TMX2: variants seen among roughly 807,000 people sequenced by gnomAD.
The protein encoded by TMX2 is thioredoxin related transmembrane protein 2.
In TMX2, 20 loss-of-function variants were observed where a neutral mutation model predicts 33.4. That is an observed-to-expected ratio of 0.60 (90% confidence interval 0.42 to 0.87). The LOEUF (loss-of-function observed/expected upper bound fraction) is 0.87, where lower values mean the gene tolerates loss of function less well. Among genes scored for constraint, TMX2 ranks in the 40% least tolerant of loss-of-function variants. The probability of loss-of-function intolerance (pLI) is 0.00; values close to 1 mark genes in which losing one functional copy is unlikely to be tolerated. For synonymous variants in TMX2, 166 were observed against 140.7 expected, an observed-to-expected ratio of 1.18 and a Z score of -1.27; for missense variants, 340 against 370.7, an observed-to-expected ratio of 0.92 and a Z score of 0.68.
intron 1 of TMX2, among the ~76,000 whole-genome samples, chr11:57,717,437 C>G (rs1416653887): frequency 6.6e-6 from 1 of 151,320 alleles, no homozygotes; most frequent in Non-Finnish European, 1.5e-5. Flanking sequence ...GAACCAGACT[C>G]CGTCTGCAAT....
chr11:57,716,325 C>G (rs1336777129), intron 1 of TMX2, among the ~76,000 whole-genome samples: 8 of 133,346 alleles, frequency 6.0e-5, no homozygotes, highest in Non-Finnish European at 1.2e-4. Context: ...CCGGACGGGG[C>G]GGCTGGCCGG....
At chr11:57,735,264 A>G (rs917123551) in intron 1 of TMX2, among the ~76,000 whole-genome samples, 2 of 150,008 alleles carry the variant, frequency 1.3e-5, no homozygotes, top group Non-Finnish European at 3.0e-5. Flanking sequence ...GCTGGAGTGC[A>G]GTGGCACGAT....
At chr11:57,731,433 C>CT (rs140987390) in intron 1 of TMX2, among the ~76,000 whole-genome samples, 15,365 of 66,726 alleles carry the variant, frequency 0.23, 1,715 homozygotes, top group East Asian at 0.66. Context: ...CGCACCCAGC[C>CT]TTTTTTTTTT....
At chr11:57,717,296 A>G (rs1204806386) in intron 1 of TMX2, among the ~76,000 whole-genome samples, 7 of 151,096 alleles carry the variant, frequency 4.6e-5, no homozygotes, top group African/African-American at 1.5e-4. Context: ...CTTCCCAGAC[A>G]GGGTGGCGGC....
In TMX2 at chr11:57,737,610, A is replaced by G; in HGVS notation, c.192A>G (p.Arg64=). ...ATAATACTTCGATTCTGTTCCAGAG[A>G]GAAGTGGAGATCCTGATGTTTCTCA... ...EDGNPCDFDW[R]EVEILMFLSA... is the part of the protein sequence containing the mutation. The change falls in exon 2 of 8, where the codon AGA becomes AGG. Residue 64 remains arginine, a splice_region_variant and synonymous_variant. Transcript: ENST00000278422. 1 of 1,613,822 alleles carries G rather than the reference A, an allele frequency of 6.2e-7. No homozygotes were observed. Among genetic ancestry groups the G allele is most frequent in the South Asian group, 1.1e-5 (1 of 91,084 alleles).
rs1284296591 is a variant in TMX2, at chr11:57,740,223, G to A, written c.869G>A (p.Gly290Glu). ...VASTPTTVSD[G>E]ENKKDK ...TCAACCCCCACCACAGTGTCAGATG[G>A]GGAAAACAAGAAGGATAAATAAGAT... is the stretch of plus-strand genomic sequence containing the variant. The change falls in exon 8 of 8, where the codon GGG (glycine) becomes GAG (glutamate). Residue 290 changes from glycine to glutamate, a missense_variant. By Grantham distance (98) the Gly-to-Glu change is moderately conservative. Around this residue, in one of 3 missense-constraint regions of TMX2, gnomAD observed 209 missense variants for 241.6 expected, o/e 0.87. Coordinates refer to ENST00000278422, the MANE Select transcript of TMX2 (RefSeq NM_015959.4). 6.2e-7 allele frequency: 1 copy of A among 1,606,552 alleles called. No homozygotes were observed. The highest frequency in any genetic ancestry group is 8.5e-7 in the Non-Finnish European group (1 of 1,177,514).
At position 57,729,937 on chromosome 11, in the gene TMX2, G is replaced by A. The variant is rs151274697; in HGVS notation, c.190-7671G>A. Among the ~76,000 whole-genome samples the A allele has an allele frequency of 9.1e-3, 1,290 of 141,436 alleles. 25 individuals are homozygous for A. Among genetic ancestry groups the A allele is most frequent in the African/African-American group, 0.031 (1,192 of 38,084 alleles). The allele number at this position is 141,436 out of a possible 152,430, so 92.8% of individuals were successfully genotyped here. On this transcript the variant is annotated intron_variant, in intron 1 of 7. Coordinates refer to ENST00000278422, the MANE Select transcript of TMX2 (RefSeq NM_015959.4). Reference sequence around the variant, plus strand: ...AGCCTGGCCAACATGGTGAAACCCCGTCTCTACTAAAAATACAAAAATTAG... The same window carrying A: ...AGCCTGGCCAACATGGTGAAACCCCATCTCTACTAAAAATACAAAAATTAG...
At chr11:57,720,840 A>G (rs1476010156) in intron 1 of TMX2, among the ~76,000 whole-genome samples, 3 of 152,226 alleles carry the variant, frequency 2.0e-5, no homozygotes, top group African/African-American at 7.2e-5. Flanking sequence ...CACAGATCAT[A>G]GTGCCTTTTT....
At chr11:57,738,134 A>C in intron 3 of TMX2, 108 bp downstream of exon 3, 3 of 894,052 alleles carry the variant, frequency 3.4e-6, no homozygotes, top group Non-Finnish European at 5.2e-6. Context: ...ATGTTTCTCC[A>C]TACCCTTCTT....
intron 1 of TMX2, chr11:57,717,930 G>C (rs571564661): frequency 1.2e-5 from 8 of 667,958 alleles, no homozygotes; most frequent in Non-Finnish European, 2.1e-5. Flanking sequence ...ACTGCAGTGA[G>C]AGCACAAAGA....
At chr11:57,719,183 A>G (rs1374742868) in intron 1 of TMX2, among the ~76,000 whole-genome samples, 1 of 148,778 alleles carries the variant, frequency 6.7e-6, no homozygotes, top group African/African-American at 2.5e-5. Flanking sequence ...TTACAGGTGC[A>G]CGCCACCACG....
chr11:57,716,837 G>T (rs1400284919), intron 1 of TMX2, among the ~76,000 whole-genome samples: 2 of 148,956 alleles, frequency 1.3e-5, no homozygotes, highest in Non-Finnish European at 3.0e-5. Context: ...GCCGGGCGGG[G>T]GGCTGACCCC....
At chr11:57,738,561 C>G (rs1948889263) in intron 4 of TMX2, 103 bp from the exon 5 acceptor site, 4 of 1,246,658 alleles carry the variant, frequency 3.2e-6, no homozygotes, top group Non-Finnish European at 4.7e-6. Context: ...ATTATGAGAG[C>G]CGGGGGAGAG....
intron 1 of TMX2, among the ~76,000 whole-genome samples, chr11:57,733,842 T>A (rs911444867): frequency 4.6e-5 from 7 of 152,042 alleles, no homozygotes; most frequent in South Asian, 4.1e-4. Context: ...TGGCCTTGGG[T>A]CATCCCAGCA....
intron 1 of TMX2, among the ~76,000 whole-genome samples, chr11:57,725,502 C>G (rs532570636): frequency 2.0e-5 from 3 of 152,044 alleles, no homozygotes; most frequent in East Asian, 3.9e-4. Flanking sequence ...TTTGGGAGAC[C>G]GAGGCGGGTG....
Position 57,738,006 on chromosome 11 carries a change from T to G in TMX2, c.344T>G (p.Leu115Arg). 1 of 1,613,746 alleles carries G rather than the reference T, an allele frequency of 6.2e-7. No individual in the cohort carries two copies. Among genetic ancestry groups the G allele is most frequent in the Non-Finnish European group, 8.5e-7 (1 of 1,179,710 alleles). ...CGCTTGGATATTCGCATGGGCCTACTTTACATCACACTCTGCATAGGTGAG... is the reference window on the plus strand; with the variant it reads ...CGCTTGGATATTCGCATGGGCCTACGTTACATCACACTCTGCATAGGTGAG... Reference protein sequence around the residue: ...FFRLDIRMGLLYITLCIVFLM... With the variant: ...FFRLDIRMGLRYITLCIVFLM... Residue 115 changes from leucine (L) to arginine (R), a missense_variant, in exon 3 of 8, where the codon CTT becomes CGT. Transcript: ENST00000278422.
At position 57,740,155 on chromosome 11, in the gene TMX2, A is replaced by T; in HGVS notation, c.801A>T (p.Leu267=). The change falls in exon 8 of 8, where the codon CTA becomes CTT. Residue 267 remains leucine, a synonymous_variant. Transcript: ENST00000278422. ...LNELYQRAKK[L]SKAGDNIPEE... ...AGCTATACCAGCGGGCCAAGAAACT[A>T]TCAAAGGCTGGAGACAATATCCCTG... 6.2e-7 allele frequency: 1 copy of T among 1,613,994 alleles called. No homozygotes were observed. The highest frequency in any genetic ancestry group is 1.1e-5 in the South Asian group (1 of 91,074).
At chr11:57,731,111 G>GTTTT (rs1261188825) in intron 1 of TMX2, among the ~76,000 whole-genome samples, 1 of 104,822 alleles carries the variant, frequency 9.5e-6, no homozygotes, top group Non-Finnish European at 1.9e-5. Context: ...CACTCTTTCC[G>GTTTT]TTTTTTGTTT....
chr11:57,717,521 C>T lies in TMX2; in HGVS notation c.189+4714C>T, dbSNP rs531575395. On this transcript the variant is annotated intron_variant, in intron 1 of 7. Coordinates refer to ENST00000278422, the MANE Select transcript of TMX2 (RefSeq NM_015959.4). ...CTGGAGACCAGCCCGGCCAACACAG[C>T]GAAACCCCGTCTCCACCAAAAAAGT... is the stretch of plus-strand genomic sequence containing the variant. Among the ~76,000 whole-genome samples the T allele has an allele frequency of 7.9e-5, 12 of 152,068 alleles. No homozygotes were observed. The South Asian group carries it at 2.3e-3, about 29-fold the overall frequency.
Sources: gnomAD v4.1 joint callset for allele counts (sites outside exome capture counted in the v4.1 genomes callset) on GRCh38, gnomAD v4.1.1 for gene constraint, gnomAD v4.1.1 regional missense constraint, MANE v1.5 for transcripts, NCBI Gene and HGNC (gene_info 2026-07-23, HGNC 2026-07-21) for gene names.